The following ARPP21 variants were observed in gnomAD, a reference collection of about 807,000 sequenced individuals.
ARPP21 encodes the protein cAMP regulated phosphoprotein 21, also known as cAMP-regulated phosphoprotein 21.
A neutral mutation model predicts 113.2 loss-of-function variants in ARPP21; 69 were observed. The observed-to-expected ratio is 0.61, with a 90% CI of 0.50 to 0.74. ARPP21 has a LOEUF of 0.74. Ranked by LOEUF, ARPP21 falls within the 30% of genes least tolerant of loss-of-function variation. ARPP21 has a pLI of 0.00. For missense variants in ARPP21, 1,070 were observed against 1,037.4 expected, an observed-to-expected ratio of 1.03 and a Z score of -0.43; for synonymous variants, 368 against 375.5, an observed-to-expected ratio of 0.98 and a Z score of 0.23.
At chr3:35,740,580 G>A (rs915588100) in intron 18 of ARPP21, among the ~76,000 whole-genome samples, 17 of 151,990 alleles carry the variant, frequency 1.1e-4, no homozygotes, top group African/African-American at 1.7e-4. Flanking sequence ...TTCAGAAGTG[G>A]GATCTTAAAA....
chr3:35,665,006 T>C (rs1709580170), intron 1 of ARPP21, among the ~76,000 whole-genome samples: 1 of 152,246 alleles, frequency 6.6e-6, no homozygotes, highest in South Asian at 2.1e-4. Flanking sequence ...ACATGAAAAA[T>C]GTTAGGTCAC....
At chr3:35,740,290 A>G (rs2094578861) in intron 18 of ARPP21, among the ~76,000 whole-genome samples, 1 of 152,212 alleles carries the variant, frequency 6.6e-6, no homozygotes, top group Admixed American at 6.5e-5. Context: ...GATTACTGTC[A>G]AGATATAAAA....
chr3:35,751,598 C>T (rs2095407494), intron 19 of ARPP21, among the ~76,000 whole-genome samples: 2 of 152,196 alleles, frequency 1.3e-5, no homozygotes, highest in East Asian at 1.9e-4. Flanking sequence ...TAAGATAAAC[C>T]TCACTTTGGA....
At chr3:35,723,944 G>A (rs2093334478) in intron 14 of ARPP21, among the ~76,000 whole-genome samples, 1 of 152,186 alleles carries the variant, frequency 6.6e-6, no homozygotes, top group African/African-American at 2.4e-5. Context: ...AAGCAAAGCT[G>A]TCAGTCTGGC....
intron 19 of ARPP21, among the ~76,000 whole-genome samples, chr3:35,786,662 C>T (rs1054835935): frequency 7.9e-5 from 12 of 151,898 alleles, no homozygotes; most frequent in African/African-American, 2.7e-4. Flanking sequence ...TGTCAAACCA[C>T]GTTTACATTG....
chr3:35,773,753 T>C (rs768109289), intron 19 of ARPP21, among the ~76,000 whole-genome samples: 1 of 152,330 alleles, frequency 6.6e-6, no homozygotes, highest in Admixed American at 6.5e-5. Flanking sequence ...ATGACAACTT[T>C]TTTTAATTAA....
At position 35,739,568 on chromosome 3, in the gene ARPP21, G is replaced by T. The variant is rs749529270; in HGVS notation, c.2001G>T (p.Pro667=). The change falls in exon 18 of 21, where the codon CCG becomes CCT. Residue 667 remains proline, a synonymous_variant. Transcript: ENST00000684406. The part of the protein sequence containing the change: ...PSPQGFVQQP[P]PAQMPVYYYP... ...CACAGGGATTTGTGCAACAGCCTCC[G>T]CCTGCACAGGTAGGTGTGCTTCCTC... The T allele has an allele frequency of 1.9e-6, 3 of 1,611,494 alleles. No homozygotes were observed. The highest frequency in any genetic ancestry group is 1.3e-5 in the African/African-American group (1 of 74,886).
chr3:35,721,795 A>T lies in ARPP21; in HGVS notation c.1186A>T (p.Thr396Ser), dbSNP rs1426989168. 6.2e-7 allele frequency: 1 copy of T among 1,612,402 alleles called. No individual in the cohort carries two copies. Among genetic ancestry groups the T allele is most frequent in the African/African-American group, 1.3e-5 (1 of 74,880 alleles). ...GITVLTRGDS[T>S]SSTRSTGKLS... ...CACGGTGCTGACCAGGGGTGACAGCACTTCCAGTACTAGGAGTACCGGGAA... is the reference window on the plus strand; with the variant it reads ...CACGGTGCTGACCAGGGGTGACAGCTCTTCCAGTACTAGGAGTACCGGGAA... The change falls in exon 14 of 21, where the codon ACT (threonine) becomes TCT (serine). Residue 396 changes from threonine to serine, a missense_variant. Transcript: ENST00000684406.
chr3:35,717,147 G>C, intron 12 of ARPP21, 151 bp from the exon 13 acceptor site: 1 of 533,974 alleles, frequency 1.9e-6, no homozygotes, highest in Admixed American at 3.0e-5. Context: ...TATCCTATGG[G>C]CATTAATTTA....
intron 2 of ARPP21, chr3:35,681,321 G>A (rs1451448586): frequency 5.7e-5 from 9 of 157,166 alleles, no homozygotes; most frequent in Admixed American, 4.9e-4. Context: ...TCTTAGAGAT[G>A]CTGCAGAACA....
intron 1 of ARPP21, among the ~76,000 whole-genome samples, chr3:35,644,992 C>T (rs192299886): frequency 2.1e-4 from 32 of 151,790 alleles, no homozygotes; most frequent in Admixed American, 1.0e-3. Context: ...ATTGTAATTG[C>T]GACATTAAAA....
intron 19 of ARPP21, among the ~76,000 whole-genome samples, chr3:35,784,325 C>G (rs2096586588): frequency 6.6e-6 from 1 of 152,226 alleles, no homozygotes; most frequent in Non-Finnish European, 1.5e-5. Flanking sequence ...AACCAGGAAT[C>G]TTGCCAGCTA....
intron 1 of ARPP21, among the ~76,000 whole-genome samples, chr3:35,667,978 GAAGAAGA>G (rs2075153142): frequency 7.1e-6 from 1 of 139,876 alleles, no homozygotes; most frequent in Non-Finnish European, 1.6e-5. Context: ...AGAAGAAGAA[GAAGAAGA>G]AGAAGAAGAA....
At chr3:35,737,864 C>T (rs891805383) in intron 16 of ARPP21, among the ~76,000 whole-genome samples, 17 of 152,176 alleles carry the variant, frequency 1.1e-4, no homozygotes, top group East Asian at 1.9e-4. Context: ...GACACAGATG[C>T]GTCCATAGAA....
intron 19 of ARPP21, among the ~76,000 whole-genome samples, chr3:35,755,528 C>T (rs2151167922): frequency 6.6e-6 from 1 of 152,144 alleles, no homozygotes; most frequent in South Asian, 2.1e-4. Flanking sequence ...GCACATGTCT[C>T]TCCATTATGA....
chr3:35,793,932 A>C lies in ARPP21; in HGVS notation c.2518A>C (p.Asn840His). 1 of 1,614,044 alleles carries C rather than the reference A, an allele frequency of 6.2e-7. No homozygotes were observed. Among genetic ancestry groups the C allele is most frequent in the Non-Finnish European group, 8.5e-7 (1 of 1,179,946 alleles). The change falls in exon 21 of 21, where the codon AAT becomes CAT. Residue 840 changes from asparagine (N) to histidine (H), a missense_variant. Coordinates refer to ENST00000684406, the MANE Select transcript of ARPP21 (RefSeq NM_001385562.1). ...CAGAACAAACTGTGCAAGTATGAGC[A>C]ATGCTGGTTGGCAGGTCAAATTCTG... is the stretch of plus-strand genomic sequence containing the variant. ...SCRTNCASMS[N>H]AGWQVKF
At chr3:35,767,892 A>G (rs958118546) in intron 19 of ARPP21, among the ~76,000 whole-genome samples, 1 of 151,990 alleles carries the variant, frequency 6.6e-6, no homozygotes, top group East Asian at 1.9e-4. Context: ...CTTAAACATT[A>G]TTATTCAAAT....
At chr3:35,728,224 T>C (rs1478934498) in intron 14 of ARPP21, among the ~76,000 whole-genome samples, 3 of 141,376 alleles carry the variant, frequency 2.1e-5, no homozygotes, top group Non-Finnish European at 4.6e-5. Context: ...CCTTTTTTTT[T>C]TTTTTTTTTT....
intron 19 of ARPP21, among the ~76,000 whole-genome samples, chr3:35,760,741 GA>G (rs1242274551): frequency 1.3e-5 from 2 of 152,054 alleles, no homozygotes; most frequent in African/African-American, 2.4e-5. Flanking sequence ...GGAAATGTGT[GA>G]ATGTGATGTA....
Sources: gnomAD v4.1 joint callset for allele counts (sites outside exome capture counted in the v4.1 genomes callset) on GRCh38, gnomAD v4.1.1 for gene constraint, MANE v1.5 for transcripts, NCBI Gene and HGNC (gene_info 2026-07-23, HGNC 2026-07-21) for gene names.